Variants in SYT1 observed in about 807,000 individuals in gnomAD.
SYT1 encodes synaptotagmin-1.
A neutral mutation model predicts 44.8 loss-of-function variants in SYT1; 8 were observed. The ratio of observed to expected loss-of-function variants is 0.18; its 90% CI spans 0.10 to 0.32. SYT1 has a LOEUF of 0.32. SYT1 is among the 10% of genes least tolerant of loss of function. The pLI, the probability that SYT1 is intolerant of heterozygous loss-of-function variation, is 1.00. For synonymous variants in SYT1, 154 were observed against 188.8 expected, an observed-to-expected ratio of 0.82 and a Z score of 1.51; for missense variants, 286 against 509.3, an observed-to-expected ratio of 0.56 and a Z score of 4.22.
chr12:79,147,231 G>A (rs1421536161), intron 3 of SYT1, among the ~76,000 whole-genome samples: 6 of 150,390 alleles, frequency 4.0e-5, no homozygotes, highest in African/African-American at 7.5e-5. Flanking sequence ...AAATTAAGCT[G>A]TCTACTCTTC....
chr12:78,974,333 A>G (rs903029127), intron 1 of SYT1, among the ~76,000 whole-genome samples: 1 of 152,088 alleles, frequency 6.6e-6, no homozygotes, highest in Admixed American at 6.5e-5. Flanking sequence ...GATAATGATA[A>G]GTGCTATGAA....
chr12:79,337,257 G>C (rs536037416), intron 8 of SYT1, among the ~76,000 whole-genome samples: 25 of 152,182 alleles, frequency 1.6e-4, no homozygotes, highest in Non-Finnish European at 2.6e-4. Context: ...ACTCAGGTCT[G>C]CTGGGCATTC....
intron 3 of SYT1, among the ~76,000 whole-genome samples, chr12:79,152,586 A>T (rs1870341629): frequency 6.6e-6 from 1 of 152,132 alleles, no homozygotes; most frequent in Non-Finnish European, 1.5e-5. Context: ...ATATAATCTC[A>T]TATTACCTAA....
At chr12:79,059,116 G>T (rs1413093026) in intron 3 of SYT1, among the ~76,000 whole-genome samples, 1 of 152,016 alleles carries the variant, frequency 6.6e-6, no homozygotes, top group African/African-American at 2.4e-5. Context: ...GCAGGCAAGG[G>T]AGCACGTGCA....
intron 4 of SYT1, among the ~76,000 whole-genome samples, chr12:79,250,065 G>A (rs1877106900): frequency 6.6e-6 from 1 of 152,056 alleles, no homozygotes; most frequent in South Asian, 2.1e-4. Flanking sequence ...TCTATAAGAT[G>A]AATATTATCA....
chr12:78,881,003 C>G (rs184598905), intron 1 of SYT1, among the ~76,000 whole-genome samples: 2 of 151,686 alleles, frequency 1.3e-5, no homozygotes, highest in Admixed American at 6.6e-5. Flanking sequence ...GCTTTTCTAC[C>G]TTACAGTCCT....
chr12:79,278,098 A>G lies in SYT1; in HGVS notation c.167-7689A>G, dbSNP rs79387532. Among the ~76,000 whole-genome samples, 536 of 152,276 alleles carry G rather than the reference A, an allele frequency of 3.5e-3. 4 individuals carry two copies. Among genetic ancestry groups the G allele is most frequent in the African/African-American group, 0.012 (519 of 41,574 alleles). On this transcript the variant is annotated intron_variant, in intron 4 of 10. Coordinates refer to ENST00000261205, the MANE Select transcript of SYT1 (RefSeq NM_005639.3). The stretch of plus-strand genomic sequence containing the variant: ...CAACAATCCACTGACAGAAGTAGAC[A>G]GATTGTCAAGGCAGAAAGTCAACAA...
intron 3 of SYT1, among the ~76,000 whole-genome samples, chr12:79,200,608 T>C (rs1339355386): frequency 6.6e-6 from 1 of 152,148 alleles, no homozygotes; most frequent in Non-Finnish European, 1.5e-5. Flanking sequence ...AGGGAACTCC[T>C]AGCTTATCTA....
chr12:79,217,292 A>G (rs961933837), intron 3 of SYT1, among the ~76,000 whole-genome samples: 1 of 152,204 alleles, frequency 6.6e-6, no homozygotes, highest in South Asian at 2.1e-4. Context: ...TTCAGTAACT[A>G]TGTCTGGTCT....
chr12:79,345,272 A>T (rs890574484), intron 8 of SYT1, among the ~76,000 whole-genome samples: 1 of 152,174 alleles, frequency 6.6e-6, no homozygotes, highest in African/African-American at 2.4e-5. Flanking sequence ...GGCTTGCAGA[A>T]ATTTATAACG....
intron 1 of SYT1, among the ~76,000 whole-genome samples, chr12:78,894,990 T>C (rs1211620442): frequency 6.6e-6 from 1 of 151,668 alleles, no homozygotes; most frequent in Non-Finnish European, 1.5e-5. Context: ...CCACAATATA[T>C]ACATATATCA....
chr12:79,006,533 C>A (rs912503445), intron 2 of SYT1, among the ~76,000 whole-genome samples: 1 of 151,062 alleles, frequency 6.6e-6, no homozygotes, highest in South Asian at 2.1e-4. Flanking sequence ...CTTTTCTTAT[C>A]TTTTGGCAGT....
At chr12:78,931,231 G>GAA (rs57711834) in intron 1 of SYT1, among the ~76,000 whole-genome samples, 1 of 63,040 alleles carries the variant, frequency 1.6e-5, no homozygotes, top group Non-Finnish European at 2.7e-5. Context: ...AAGAAAGAAA[G>GAA]AAAGAAAGAA....
At chr12:79,303,789 A>G (rs554809766) in intron 8 of SYT1, among the ~76,000 whole-genome samples, 1 of 152,312 alleles carries the variant, frequency 6.6e-6, no homozygotes, top group Admixed American at 6.5e-5. Flanking sequence ...TCCAATGGTC[A>G]ATTCCTTAGT....
chr12:79,078,818 G>T (rs887234705), intron 3 of SYT1, among the ~76,000 whole-genome samples: 1 of 152,104 alleles, frequency 6.6e-6, no homozygotes, highest in Non-Finnish European at 1.5e-5. Context: ...AAACGGGAGC[G>T]TTATTTCCTG....
At chr12:79,317,764 CT>C (rs200966891) in intron 8 of SYT1, among the ~76,000 whole-genome samples, 6,494 of 152,242 alleles carry the variant, frequency 0.043, 155 homozygotes, top group African/African-American at 0.049. Context: ...AGAAAGAACA[CT>C]GCAGAAGAGT....
intron 1 of SYT1, among the ~76,000 whole-genome samples, chr12:78,927,535 C>T (rs1238523393): frequency 6.6e-6 from 1 of 151,860 alleles, no homozygotes; most frequent in African/African-American, 2.4e-5. Context: ...ATTTCATGAC[C>T]CTTTCTGAAA....
intron 9 of SYT1, among the ~76,000 whole-genome samples, chr12:79,361,814 C>T (rs557217227): frequency 6.6e-5 from 10 of 152,164 alleles, no homozygotes; most frequent in African/African-American, 2.4e-4. Context: ...AGAAGAGAGT[C>T]CAAGTTTAAG....
At chr12:78,915,452 T>C (rs1876597988) in intron 1 of SYT1, among the ~76,000 whole-genome samples, 2 of 151,874 alleles carry the variant, frequency 1.3e-5, no homozygotes, top group East Asian at 1.9e-4. Context: ...GACAAGACAA[T>C]GGGGTCAAAA....
Sources: gnomAD v4.1 joint callset for allele counts (sites outside exome capture counted in the v4.1 genomes callset) on GRCh38, gnomAD v4.1.1 for gene constraint, MANE v1.5 for transcripts, NCBI Gene and HGNC (gene_info 2026-07-23, HGNC 2026-07-21) for gene names.